Variants in SPIRE1 observed in about 807,000 individuals in gnomAD.
SPIRE1 encodes spire type actin nucleation factor 1.
Under a neutral mutation model 94.1 loss-of-function variants are expected in SPIRE1, and 40 were observed. The observed-to-expected ratio is 0.43, with a 90% CI of 0.33 to 0.55. SPIRE1 has a LOEUF of 0.55. Among genes scored for constraint, SPIRE1 ranks in the 20% least tolerant of loss-of-function variants. SPIRE1 has a pLI of 0.06. For synonymous variants in SPIRE1, 376 were observed against 371.7 expected (o/e 1.01, Z -0.13); for missense variants, 838 against 975.2 (o/e 0.86, Z 1.87).
chr18:12,609,039 C>T (rs556327868), intron 2 of SPIRE1, among the ~76,000 whole-genome samples: 144 of 152,208 alleles, frequency 9.5e-4, no homozygotes, highest in Non-Finnish European at 1.7e-3. Flanking sequence ...TTATATTCTC[C>T]TAAGGAGCAC....
In SPIRE1 at chr18:12,525,478, C is replaced by T. The variant is rs183070212; in HGVS notation, c.729+9998G>A. The stretch of plus-strand genomic sequence containing the variant: ...TAAAATATCAATATTTAATTCAACA[C>T]TGTTGTCATTTCATCTGTTTAAGAA... On this transcript the variant is annotated intron_variant, in intron 4 of 16. Transcript: ENST00000409402. Among the ~76,000 whole-genome samples, 32 of 151,848 alleles carry T rather than the reference C, an allele frequency of 2.1e-4. No homozygotes were observed. In the East Asian group the frequency reaches 5.8e-3, roughly 28 times the overall value.
chr18:12,482,590 C>T (rs1047244937), intron 9 of SPIRE1, among the ~76,000 whole-genome samples: 5 of 151,866 alleles, frequency 3.3e-5, no homozygotes, highest in Admixed American at 6.6e-5. Flanking sequence ...TTAATAGTAC[C>T]GGGGCACTTA....
intron 2 of SPIRE1, among the ~76,000 whole-genome samples, chr18:12,576,458 T>A (rs1236533358): frequency 6.6e-6 from 1 of 151,254 alleles, no homozygotes; most frequent in Admixed American, 6.6e-5. Flanking sequence ...GGCGGGTGCC[T>A]GTAATCCCAG....
At chr18:12,565,150 C>A (rs1305858171) in intron 2 of SPIRE1, among the ~76,000 whole-genome samples, 1 of 151,998 alleles carries the variant, frequency 6.6e-6, no homozygotes, top group Non-Finnish European at 1.5e-5. Flanking sequence ...ACAGAAAATC[C>A]AAGATACAGC....
At chr18:12,632,538 A>C (rs2037811040) in intron 2 of SPIRE1, among the ~76,000 whole-genome samples, 1 of 149,364 alleles carries the variant, frequency 6.7e-6, no homozygotes, top group African/African-American at 2.6e-5. Context: ...ATACACAGAT[A>C]CTTTTTTTTA....
intron 2 of SPIRE1, among the ~76,000 whole-genome samples, chr18:12,560,996 A>T (rs777878031): frequency 6.6e-6 from 1 of 152,214 alleles, no homozygotes; most frequent in Non-Finnish European, 1.5e-5. Flanking sequence ...GATTGTTTGT[A>T]ACACAAAGGA....
At chr18:12,498,975 G>A (rs900538787) in intron 6 of SPIRE1, among the ~76,000 whole-genome samples, 1 of 152,144 alleles carries the variant, frequency 6.6e-6, no homozygotes, top group Admixed American at 6.6e-5. Flanking sequence ...AGTTGCCCAG[G>A]CTACTCTCAA....
intron 2 of SPIRE1, among the ~76,000 whole-genome samples, chr18:12,553,901 G>A (rs1277994770): frequency 2.0e-5 from 3 of 152,030 alleles, no homozygotes; most frequent in Admixed American, 6.6e-5. Flanking sequence ...AAAACAACAA[G>A]TTGATTTTTT....
At chr18:12,566,189 A>C (rs144693762) in intron 2 of SPIRE1, among the ~76,000 whole-genome samples, 2,705 of 145,440 alleles carry the variant, frequency 0.019, 91 homozygotes, top group African/African-American at 0.065. Context: ...TACAAAAATT[A>C]GCTGGGCATG....
intron 2 of SPIRE1, among the ~76,000 whole-genome samples, chr18:12,571,675 A>G (rs1276422240): frequency 6.6e-6 from 1 of 152,222 alleles, no homozygotes; most frequent in Non-Finnish European, 1.5e-5. Context: ...TCTAAATACT[A>G]TTGTAATCCC....
At chr18:12,512,924 T>C (rs2034083189) in intron 4 of SPIRE1, among the ~76,000 whole-genome samples, 1 of 152,136 alleles carries the variant, frequency 6.6e-6, no homozygotes, top group South Asian at 2.1e-4. Flanking sequence ...GTCTCTTTCA[T>C]TGTCTACTTT....
At position 12,448,917 on chromosome 18, in the gene SPIRE1, A is replaced by G. The variant is rs2031080147; in HGVS notation, c.*721T>C. On this transcript the variant is annotated 3_prime_UTR_variant, in exon 17 of 17. Coordinates refer to ENST00000409402, the MANE Select transcript of SPIRE1 (RefSeq NM_001128626.2). This position sits in a 1 kb window ranked among gnomAD's most constrained non-coding sequence, Gnocchi z 4.4. Reference sequence around the variant, plus strand: ...AGACCTCCATTATAAAACTATTAGTAACCATAATACATTCAAGATAGAGAA... The same window carrying G: ...AGACCTCCATTATAAAACTATTAGTGACCATAATACATTCAAGATAGAGAA... 6.6e-6 allele frequency: 1 copy of G among 152,590 alleles called. No homozygotes were observed. Among genetic ancestry groups the G allele is most frequent in the Non-Finnish European group, 1.5e-5 (1 of 68,038 alleles). 9.5% of individuals were successfully genotyped at this position (152,590 alleles called of 1,614,324 possible).
intron 12 of SPIRE1, among the ~76,000 whole-genome samples, chr18:12,456,949 T>G (rs1412938742): frequency 1.3e-5 from 2 of 152,178 alleles, no homozygotes; most frequent in African/African-American, 4.8e-5. Flanking sequence ...GTGATTCTTG[T>G]GCCTCAGCCC....
At chr18:12,572,528 C>T (rs772277682) in intron 2 of SPIRE1, among the ~76,000 whole-genome samples, 5 of 152,074 alleles carry the variant, frequency 3.3e-5, no homozygotes, top group African/African-American at 4.8e-5. Flanking sequence ...AAGAGGATCG[C>T]TTGAGCCCAG....
chr18:12,594,696 G>A (rs2036623167), intron 2 of SPIRE1, among the ~76,000 whole-genome samples: 1 of 152,006 alleles, frequency 6.6e-6, no homozygotes, highest in South Asian at 2.1e-4. Flanking sequence ...AACTAGTATG[G>A]TTGACCCTTG....
rs946882298 is a variant in SPIRE1, at chr18:12,632,615, G to C, written c.372+2447C>G. 4.8e-4 allele frequency among the ~76,000 whole-genome samples: 73 copies of C among 152,048 alleles called. 4 individuals carry two copies. Among genetic ancestry groups the C allele is most frequent in the Non-Finnish European group, 7.4e-5 (5 of 67,998 alleles). On this transcript the variant is annotated intron_variant, in intron 2 of 16. Transcript: ENST00000409402. Reference sequence around the variant, plus strand: ...TCCTCCCCACTGATAACCACTGTTAGCCCTAGAAAATACCTATTTTTCTGA... The same window carrying C: ...TCCTCCCCACTGATAACCACTGTTACCCCTAGAAAATACCTATTTTTCTGA...
At chr18:12,460,022 G>T in intron 12 of SPIRE1, 1 of 540,150 alleles carries the variant, frequency 1.9e-6, no homozygotes, top group Non-Finnish European at 2.4e-6. Context: ...AGTGATTACA[G>T]ATCACAAAAG....
At chr18:12,589,867 G>A (rs1440348011) in intron 2 of SPIRE1, among the ~76,000 whole-genome samples, 1 of 152,146 alleles carries the variant, frequency 6.6e-6, no homozygotes, top group African/African-American at 2.4e-5. Context: ...CTACAGCATA[G>A]TTTAATGCAA....
intron 4 of SPIRE1, among the ~76,000 whole-genome samples, chr18:12,515,300 A>C (rs2144055602): frequency 6.6e-6 from 1 of 152,186 alleles, no homozygotes; most frequent in Non-Finnish European, 1.5e-5. Flanking sequence ...GGACTGCTTG[A>C]GGCCAGGAGT....
Sources: allele counts gnomAD v4.1 joint callset (sites outside exome capture counted in the v4.1 genomes callset), GRCh38; gene constraint gnomAD v4.1.1; non-coding constraint Gnocchi (gnomAD v3.1); transcripts MANE v1.5; gene names NCBI Gene and HGNC (gene_info 2026-07-23, HGNC 2026-07-21).